The following ESRRG variants were observed in gnomAD, a reference collection of about 807,000 sequenced individuals.
The protein encoded by ESRRG is estrogen related receptor gamma.
ESRRG carries 13 observed loss-of-function variants against 44.0 expected under a neutral mutation model. The observed-to-expected ratio is 0.30, with a 90% CI of 0.19 to 0.47. ESRRG has a LOEUF of 0.47. Ranked by LOEUF, ESRRG falls within the 20% of genes least tolerant of loss-of-function variation. The pLI is 1.00. For missense variants in ESRRG, 395 were observed against 580.6 expected, an observed-to-expected ratio of 0.68 and a Z score of 3.29; for synonymous variants, 215 against 214.6, an observed-to-expected ratio of 1.00 and a Z score of -0.02.
chr1:216,717,822 A>T (rs1175425799), intron 1 of ESRRG, among the ~76,000 whole-genome samples: 1 of 151,870 alleles, frequency 6.6e-6, no homozygotes, highest in African/African-American at 2.4e-5. Flanking sequence ...TTTATGTAGT[A>T]CAGATAAAGG....
At chr1:216,620,679 G>T (rs1353618339) in intron 3 of ESRRG, among the ~76,000 whole-genome samples, 1 of 152,116 alleles carries the variant, frequency 6.6e-6, no homozygotes, top group Non-Finnish European at 1.5e-5. Flanking sequence ...ATTTATATGT[G>T]ACCCAGGACG....
chr1:216,884,228 T>C (rs977603492), intron 2 of ESRRG, among the ~76,000 whole-genome samples: 8 of 152,194 alleles, frequency 5.3e-5, no homozygotes, highest in South Asian at 2.1e-4. Context: ...TATGAATATA[T>C]AGTAAGAACA....
At chr1:216,821,491 G>T (rs2095286373) in intron 2 of ESRRG, among the ~76,000 whole-genome samples, 1 of 151,604 alleles carries the variant, frequency 6.6e-6, no homozygotes, top group Admixed American at 6.6e-5. Context: ...TTTGAGAGCA[G>T]CCTTGGCAAC....
intron 1 of ESRRG, among the ~76,000 whole-genome samples, chr1:217,022,870 A>G (rs1334582353): frequency 6.6e-6 from 1 of 152,150 alleles, no homozygotes; most frequent in African/African-American, 2.4e-5. Flanking sequence ...GAAGGTAGGA[A>G]GGCAGGGAGG....
At position 216,514,545 on chromosome 1, in the gene ESRRG, C is replaced by A. The variant is rs185914054; in HGVS notation, c.1132+4607G>T. On this transcript the variant is annotated intron_variant, in intron 6 of 6. Coordinates refer to ENST00000408911, the MANE Select transcript of ESRRG (RefSeq NM_001438.4). ...AAGATGGCAAGATAAAGGAAGTGGG[C>A]ATGAAATTCTCAATCAAATTAAAAA... Among the ~76,000 whole-genome samples the A allele has an allele frequency of 2.6e-5, 4 of 152,182 alleles. No individual in the cohort carries two copies. The East Asian group carries it at 7.7e-4, about 29-fold the overall frequency.
chr1:216,614,450 T>A (rs2061131047), intron 3 of ESRRG, among the ~76,000 whole-genome samples: 1 of 152,168 alleles, frequency 6.6e-6, no homozygotes, highest in South Asian at 2.1e-4. Context: ...TCCAACATGG[T>A]AGCTGAATAT....
chr1:216,801,770 C>T (rs1346975030), intron 2 of ESRRG, among the ~76,000 whole-genome samples: 1 of 152,072 alleles, frequency 6.6e-6, no homozygotes, highest in Non-Finnish European at 1.5e-5. Context: ...GTCCTTTACC[C>T]ATTCTTTTAA....
At chr1:216,615,860 A>G (rs1441752920) in intron 3 of ESRRG, among the ~76,000 whole-genome samples, 1 of 149,476 alleles carries the variant, frequency 6.7e-6, no homozygotes, top group Non-Finnish European at 1.5e-5. Context: ...CTAATTTTGT[A>G]TTTTTAGTAG....
intron 2 of ESRRG, among the ~76,000 whole-genome samples, chr1:216,886,033 G>T (rs2096512595): frequency 6.6e-6 from 1 of 151,690 alleles, no homozygotes; most frequent in Admixed American, 6.6e-5. Flanking sequence ...GATGTCATGG[G>T]TTTCTGAAGA....
chr1:216,559,944 G>C (rs1012004203), intron 5 of ESRRG, among the ~76,000 whole-genome samples: 3 of 152,056 alleles, frequency 2.0e-5, no homozygotes, highest in African/African-American at 7.2e-5. Flanking sequence ...GTTCTTTATA[G>C]ATTCCTTTCA....
intron 3 of ESRRG, among the ~76,000 whole-genome samples, chr1:216,618,268 CGT>C (rs2061693045): frequency 6.6e-6 from 1 of 152,182 alleles, no homozygotes; most frequent in Non-Finnish European, 1.5e-5. Flanking sequence ...GATAGATTTG[CGT>C]GTTTTCCCAA....
At chr1:217,029,438 C>T (rs376251232) in intron 1 of ESRRG, among the ~76,000 whole-genome samples, 29 of 152,260 alleles carry the variant, frequency 1.9e-4, no homozygotes, top group African/African-American at 6.5e-4. Context: ...GTAGGGAGGC[C>T]CAGGTGAAGC....
At chr1:217,075,879 A>T (rs1042864390) in intron 1 of ESRRG, among the ~76,000 whole-genome samples, 9 of 152,188 alleles carry the variant, frequency 5.9e-5, no homozygotes, top group African/African-American at 2.2e-4. Flanking sequence ...TTTACATTTT[A>T]TTGAGCTTCT....
At chr1:216,804,142 T>G (rs1390547159) in intron 2 of ESRRG, among the ~76,000 whole-genome samples, 1 of 152,198 alleles carries the variant, frequency 6.6e-6, no homozygotes, top group East Asian at 1.9e-4. Context: ...TTCAAAATTA[T>G]TCTCTCAGCC....
chr1:216,725,496 AAAAAT>A (rs2087329239), upstream of ESRRG, among the ~76,000 whole-genome samples: 1 of 152,166 alleles, frequency 6.6e-6, no homozygotes, highest in Admixed American at 6.5e-5. Flanking sequence ...TTTACAATTA[AAAAAT>A]AAATAAAACA....
intron 1 of ESRRG, among the ~76,000 whole-genome samples, chr1:216,990,653 C>A (rs1004180610): frequency 6.6e-6 from 1 of 152,140 alleles, no homozygotes; most frequent in African/African-American, 2.4e-5. Context: ...AATCTCCTTC[C>A]ACTTAACTAA....
chr1:216,679,664 C>T (rs1311160552), intron 1 of ESRRG, among the ~76,000 whole-genome samples: 1 of 139,806 alleles, frequency 7.2e-6, no homozygotes, highest in African/African-American at 2.7e-5. Context: ...AGGAGAGTTG[C>T]TTGGGGCTGC....
At chr1:216,903,369 G>T (rs192764615) in intron 2 of ESRRG, among the ~76,000 whole-genome samples, 1 of 151,944 alleles carries the variant, frequency 6.6e-6, no homozygotes, top group Non-Finnish European at 1.5e-5. Flanking sequence ...AAAGAGAGCC[G>T]TGTGTGTTTG....
intron 1 of ESRRG, among the ~76,000 whole-genome samples, chr1:216,970,335 A>C (rs1304147472): frequency 6.6e-6 from 1 of 152,234 alleles, no homozygotes; most frequent in Non-Finnish European, 1.5e-5. Flanking sequence ...TTTCCCATTA[A>C]AGCAGGAATT....
Sources: gnomAD v4.1 joint callset for allele counts (sites outside exome capture counted in the v4.1 genomes callset) on GRCh38, gnomAD v4.1.1 for gene constraint, MANE v1.5 for transcripts, NCBI Gene and HGNC (gene_info 2026-07-23, HGNC 2026-07-21) for gene names.